KSR2: variants seen among roughly 807,000 people sequenced by gnomAD.
KSR2 encodes the protein kinase suppressor of ras 2.
Under a neutral mutation model 107.8 loss-of-function variants are expected in KSR2, and 25 were observed. The ratio of observed to expected loss-of-function variants is 0.23; its 90% CI spans 0.17 to 0.32. KSR2 has a LOEUF of 0.32. KSR2 is among the 10% of genes least tolerant of loss of function. The probability of loss-of-function intolerance (pLI) is 1.00; values close to 1 mark genes in which losing one functional copy is unlikely to be tolerated. For missense variants in KSR2, 887 were observed against 1,268.9 expected (o/e 0.70, Z 4.57); for synonymous variants, 480 against 507.0 (o/e 0.95, Z 0.71).
chr12:117,882,272 C>T (rs1894049866), intron 1 of KSR2, among the ~76,000 whole-genome samples: 1 of 152,170 alleles, frequency 6.6e-6, no homozygotes, highest in Non-Finnish European at 1.5e-5. Flanking sequence ...TGAGAAAGCT[C>T]TCTGGAGGAG....
intron 16 of KSR2, 96 bp downstream of exon 16, chr12:117,484,320 C>T: frequency 7.1e-7 from 1 of 1,406,632 alleles, no homozygotes; most frequent in Non-Finnish European, 9.8e-7. Flanking sequence ...TCAGGACCAA[C>T]CCTGAGTCTA....
chr12:117,935,120 G>T (rs539959994), intron 1 of KSR2, among the ~76,000 whole-genome samples: 2 of 151,638 alleles, frequency 1.3e-5, no homozygotes, highest in African/African-American at 2.4e-5. Flanking sequence ...GAGCCACCTT[G>T]CCCTGCCTTC....
intron 4 of KSR2, among the ~76,000 whole-genome samples, chr12:117,756,038 A>G (rs893867823): frequency 6.6e-6 from 1 of 152,198 alleles, no homozygotes; most frequent in Non-Finnish European, 1.5e-5. Flanking sequence ...GCAGAAGAAA[A>G]TGTGGACACC....
chr12:117,616,975 A>G (rs1225239703), intron 5 of KSR2, among the ~76,000 whole-genome samples: 3 of 152,214 alleles, frequency 2.0e-5, no homozygotes, highest in African/African-American at 7.2e-5. Flanking sequence ...TGCATTAACC[A>G]GAAATTCATT....
At chr12:117,604,107 C>A (rs902906527) in intron 5 of KSR2, among the ~76,000 whole-genome samples, 12 of 152,160 alleles carry the variant, frequency 7.9e-5, no homozygotes, top group Non-Finnish European at 1.8e-4. Flanking sequence ...ATTTTTTTGA[C>A]ATGGGACCCT....
intron 4 of KSR2, among the ~76,000 whole-genome samples, chr12:117,722,771 T>C (rs1887265978): frequency 6.6e-6 from 1 of 152,216 alleles, no homozygotes; most frequent in African/African-American, 2.4e-5. Flanking sequence ...CTTTACTGTA[T>C]GGATTCACCC....
At chr12:117,469,848 C>T (rs1409913867) in intron 18 of KSR2, 53 bp from the exon 19 acceptor site, 9 of 1,592,436 alleles carry the variant, frequency 5.7e-6, no homozygotes, top group Admixed American at 1.7e-5. Context: ...TTCTTGATTA[C>T]TCTTTGGCAT....
chr12:117,657,288 G>A (rs994587213), intron 5 of KSR2, among the ~76,000 whole-genome samples: 18 of 151,878 alleles, frequency 1.2e-4, no homozygotes, highest in African/African-American at 2.9e-4. Context: ...AAGTGAAGCC[G>A]ACCTAAAAAC....
rs754486105 is a variant in KSR2 at position 117,955,184 on chromosome 12, C to G, written c.180+12892G>C. ...TTGCCCAGGATGGAATGCAGTGGCA[C>G]AATCATGGCTCACTGCAGCCTCAAT... On this transcript the variant is annotated intron_variant, in intron 1 of 19. Transcript: ENST00000339824. Among the ~76,000 whole-genome samples the G allele has an allele frequency of 1.3e-4, 20 of 152,032 alleles. 1 individual carries two copies. Among genetic ancestry groups the G allele is most frequent in the Middle Eastern group, 6.8e-3 (2 of 294 alleles).
At chr12:117,865,055 C>T (rs115498087) in intron 1 of KSR2, among the ~76,000 whole-genome samples, 2,597 of 151,670 alleles carry the variant, frequency 0.017, 74 homozygotes, top group African/African-American at 0.059. Context: ...GAACGAGACT[C>T]CATCTCAAAA....
intron 4 of KSR2, among the ~76,000 whole-genome samples, chr12:117,687,126 C>T (rs1466557490): frequency 1.3e-5 from 2 of 152,218 alleles, no homozygotes; most frequent in East Asian, 3.8e-4. Context: ...CTTTTCCAAG[C>T]TTCCAGCACG....
At chr12:117,738,593 G>A (rs1363455578) in intron 4 of KSR2, among the ~76,000 whole-genome samples, 1 of 152,178 alleles carries the variant, frequency 6.6e-6, no homozygotes, top group Non-Finnish European at 1.5e-5. Flanking sequence ...CAAAAAATGT[G>A]GCTGGGCATG....
chr12:117,484,374 C>A lies in KSR2; in HGVS notation c.2450+42G>T, dbSNP rs763118684. 8.9e-5 allele frequency: 143 copies of A among 1,607,836 alleles called. 1 individual carries two copies. The highest frequency in any genetic ancestry group is 5.8e-4 in the South Asian group (52 of 90,112). ...GACTAACTTCCCACCTCCTGACCAT[C>A]ATCTGTCAGGAAACTCTCCGGGTCT... is the stretch of plus-strand genomic sequence containing the variant. On this transcript the variant is annotated intron_variant, in intron 16 of 19. Coordinates refer to ENST00000339824, the MANE Select transcript of KSR2 (RefSeq NM_173598.6).
At chr12:117,892,212 G>A (rs1312464723) in intron 1 of KSR2, among the ~76,000 whole-genome samples, 1 of 152,166 alleles carries the variant, frequency 6.6e-6, no homozygotes, top group Non-Finnish European at 1.5e-5. Flanking sequence ...CTGAGGGTAG[G>A]AGAATCACTT....
intron 4 of KSR2, among the ~76,000 whole-genome samples, chr12:117,694,867 T>A (rs1885985938): frequency 6.8e-6 from 1 of 146,772 alleles, no homozygotes. Flanking sequence ...TTTTTTTTTT[T>A]GAGATGGAGC....
At chr12:117,731,941 G>T (rs1057312218) in intron 4 of KSR2, among the ~76,000 whole-genome samples, 8 of 144,692 alleles carry the variant, frequency 5.5e-5, no homozygotes, top group Non-Finnish European at 1.1e-4. Flanking sequence ...AGAGACCCTT[G>T]TTCACATGTT....
At chr12:117,527,316 C>CACACAG (rs1875255085) in intron 12 of KSR2, among the ~76,000 whole-genome samples, 197 bp from the exon 13 acceptor site, 5 of 138,504 alleles carry the variant, frequency 3.6e-5, no homozygotes, top group African/African-American at 1.2e-4. Flanking sequence ...CACACACACA[C>CACACAG]ACACACACAG....
At chr12:117,546,436 C>T (rs533889682) in intron 9 of KSR2, among the ~76,000 whole-genome samples, 6 of 152,124 alleles carry the variant, frequency 3.9e-5, no homozygotes, top group Non-Finnish European at 8.8e-5. Flanking sequence ...ATGACATATC[C>T]TAGCATGGAT....
chr12:117,817,416 G>A (rs994089216), intron 3 of KSR2, among the ~76,000 whole-genome samples: 6 of 151,904 alleles, frequency 3.9e-5, no homozygotes, highest in Admixed American at 6.6e-5. Context: ...AAAACAGCAC[G>A]GGAAATTAGA....
Sources: allele counts gnomAD v4.1 joint callset (sites outside exome capture counted in the v4.1 genomes callset), GRCh38; gene constraint gnomAD v4.1.1; transcripts MANE v1.5; gene names NCBI Gene and HGNC (gene_info 2026-07-23, HGNC 2026-07-21).